The following CPM variants were observed in gnomAD, a reference collection of about 807,000 sequenced individuals.
CPM encodes the protein renal carboxypeptidase.
Under a neutral mutation model 46.4 loss-of-function variants are expected in CPM, and 35 were observed. The observed-to-expected ratio is 0.75, with a 90% CI of 0.58 to 1.00. The LOEUF (loss-of-function observed/expected upper bound fraction) is 1.00. Among genes scored for constraint, CPM ranks in the 50% least tolerant of loss-of-function variants. CPM has a pLI of 0.00. For synonymous variants in CPM, 195 were observed against 195.3 expected (o/e 1.00, Z 0.01); for missense variants, 422 against 530.4 (o/e 0.80, Z 2.01).
intron 8 of CPM, among the ~76,000 whole-genome samples, chr12:68,857,051 G>C (rs867844423): frequency 6.6e-6 from 1 of 152,000 alleles, no homozygotes; most frequent in Non-Finnish European, 1.5e-5. Flanking sequence ...ATCCTCCTTG[G>C]ATATCAAGAT....
At chr12:68,875,595 A>T (rs10748112) in intron 3 of CPM, among the ~76,000 whole-genome samples, 18 of 151,872 alleles carry the variant, frequency 1.2e-4, no homozygotes, top group African/African-American at 4.3e-4. Context: ...CGCCTGAGGT[A>T]GGGAGTTCGA....
At chr12:68,935,710 C>T (rs1322124780), upstream of CPM, among the ~76,000 whole-genome samples, 1 of 151,912 alleles carries the variant, frequency 6.6e-6, no homozygotes. Flanking sequence ...AGACGTTTCC[C>T]TTTCATTGTT....
chr12:68,962,210 A>C (rs7312761), intron 1 of CPM, among the ~76,000 whole-genome samples: 54 of 145,988 alleles, frequency 3.7e-4, no homozygotes, highest in East Asian at 9.9e-4. Context: ...AAAAAAAAAA[A>C]AAAAAAAACC....
chr12:68,883,557 C>T (rs1256401602), intron 3 of CPM, among the ~76,000 whole-genome samples: 1 of 152,136 alleles, frequency 6.6e-6, no homozygotes, highest in Non-Finnish European at 1.5e-5. Context: ...CAGCATTTCT[C>T]AAAGAATCAG....
intron 2 of CPM, among the ~76,000 whole-genome samples, chr12:68,921,383 C>T (rs1376668393): frequency 6.6e-6 from 1 of 152,058 alleles, no homozygotes; most frequent in Admixed American, 6.6e-5. Context: ...CTCAAGTGAT[C>T]CACCCGCCTC....
intron 5 of CPM, chr12:68,842,716 G>A (rs1883891373): frequency 5.1e-6 from 1 of 195,508 alleles, no homozygotes; most frequent in Non-Finnish European, 1.1e-5. Flanking sequence ...AATTTTCTTT[G>A]CAGTAAAATA....
intron 1 of CPM, among the ~76,000 whole-genome samples, chr12:68,941,126 G>A (rs1888752988): frequency 6.6e-6 from 1 of 151,470 alleles, no homozygotes; most frequent in Non-Finnish European, 1.5e-5. Context: ...TGGTCAATTT[G>A]TGTGTTTTTG....
intron 3 of CPM, among the ~76,000 whole-genome samples, chr12:68,879,138 T>G (rs1002450718): frequency 6.6e-6 from 1 of 152,166 alleles, no homozygotes; most frequent in African/African-American, 2.4e-5. Context: ...CAGTGAGCCA[T>G]GATCACACCA....
At chr12:68,910,566 T>C (rs534305270) in intron 2 of CPM, among the ~76,000 whole-genome samples, 9 of 152,216 alleles carry the variant, frequency 5.9e-5, no homozygotes, top group Admixed American at 5.9e-4. Context: ...TTTTAAAAAA[T>C]ATCTTTATTG....
chr12:68,955,132 G>T (rs1037060102), intron 1 of CPM, among the ~76,000 whole-genome samples: 1 of 152,152 alleles, frequency 6.6e-6, no homozygotes, highest in East Asian at 1.9e-4. Context: ...CAGCCTGCTG[G>T]GCCGAGTGGG....
downstream of CPM, chr12:68,848,332 T>A (rs185957028): frequency 2.6e-5 from 4 of 152,288 alleles, no homozygotes; most frequent in African/African-American, 9.6e-5. Context: ...TTTCAGCTAA[T>A]TTTTTCATTT....
intron 2 of CPM, among the ~76,000 whole-genome samples, chr12:68,916,060 A>G (rs570927787): frequency 6.6e-6 from 1 of 152,226 alleles, no homozygotes; most frequent in South Asian, 2.1e-4. Context: ...AAATGAGACC[A>G]GGTTACGTTC....
At chr12:68,886,934 G>A (rs1405738640) in intron 2 of CPM, among the ~76,000 whole-genome samples, 2 of 152,176 alleles carry the variant, frequency 1.3e-5, no homozygotes, top group Non-Finnish European at 2.9e-5. Context: ...ATCCCTTGTT[G>A]TGACCCACTG....
intron 2 of CPM, among the ~76,000 whole-genome samples, chr12:68,901,753 T>C (rs1887122969): frequency 6.6e-6 from 1 of 151,964 alleles, no homozygotes; most frequent in Non-Finnish European, 1.5e-5. Context: ...TTGGATGGAG[T>C]GAAGGGGAAG....
chr12:68,856,354 T>C lies in CPM; in HGVS notation c.*83A>G. On this transcript the variant is annotated 3_prime_UTR_variant, in exon 9 of 9. Transcript: ENST00000551568. ...GGAGTTTCTCCAGTCAAGGTCCCAC[T>C]AGAGTGAGTTAGGGTTGCAGTAACC... 6.8e-7 allele frequency: 1 copy of C among 1,465,602 alleles called. No homozygotes were observed. The allele number at this position is 1,465,602 out of a possible 1,614,324, so 90.8% of individuals were successfully genotyped here.
In CPM at chr12:68,933,129, C is replaced by A. The variant is rs560687076; in HGVS notation, c.-4+13G>T. 1.1e-5 allele frequency: 3 copies of A among 279,410 alleles called. No homozygotes were observed. The highest frequency in any genetic ancestry group is 5.2e-5 in the Admixed American group (1 of 19,152). The allele number at this position is 279,410 out of a possible 1,614,324, so 17.3% of individuals were successfully genotyped here. A position where few individuals can be genotyped will look rare whatever the true frequency, so the allele number is the denominator to read the frequency against. ...CCACAGCTGCGCCCGGCCCCGCGCA[C>A]CCCCAGCCTCACCAGGTCCCAGGCG... On this transcript the variant is annotated intron_variant, in intron 1 of 8. Coordinates refer to ENST00000551568, the MANE Select transcript of CPM (RefSeq NM_198320.5).
intron 7 of CPM, among the ~76,000 whole-genome samples, chr12:68,861,622 C>G: frequency 6.6e-6 from 1 of 151,888 alleles, no homozygotes; most frequent in South Asian, 2.1e-4. Flanking sequence ...CTCTGCCTCC[C>G]GGGTTCAAGC....
intron 8 of CPM, among the ~76,000 whole-genome samples, chr12:68,857,454 A>G (rs1885027837): frequency 2.0e-5 from 3 of 151,814 alleles, no homozygotes; most frequent in Admixed American, 2.0e-4. Context: ...ATGAGCCACC[A>G]CATCCACCCT....
Position 68,858,983 on chromosome 12 carries a change from A to G in CPM, c.1029T>C (p.Tyr343=), listed in dbSNP as rs1297617432. 3.2e-6 allele frequency: 5 copies of G among 1,573,770 alleles called. No individual in the cohort carries two copies. Among genetic ancestry groups the G allele is most frequent in the East Asian group, 2.3e-5 (1 of 42,618 alleles). The part of the protein sequence containing the change: ...EVQDRKHICP[Y]RTNKYGEYYL... ...AATACTCTCCATATTTGTTGGTTCT[A>G]TAGGGGCAGATATGTTTTCTGTCTT... is the stretch of plus-strand genomic sequence containing the variant. The change falls in exon 8 of 9, where the codon TAT becomes TAC. Residue 343 remains tyrosine, a synonymous_variant. Coordinates refer to ENST00000551568, the MANE Select transcript of CPM (RefSeq NM_198320.5).
Sources: gnomAD v4.1 joint callset for allele counts (sites outside exome capture counted in the v4.1 genomes callset) on GRCh38, gnomAD v4.1.1 for gene constraint, MANE v1.5 for transcripts, NCBI Gene and HGNC (gene_info 2026-07-23, HGNC 2026-07-21) for gene names.